Variants in RASSF4 observed in about 807,000 individuals in gnomAD.
The protein encoded by RASSF4 is ras association domain-containing protein 4.
A neutral mutation model predicts 41.1 loss-of-function variants in RASSF4; 38 were observed. The ratio of observed to expected loss-of-function variants is 0.92; its 90% confidence interval spans 0.71 to 1.21. RASSF4 has a LOEUF of 1.21. RASSF4 is among the 50% of genes most tolerant of loss of function. The pLI is 0.00. For synonymous variants in RASSF4, 179 were observed against 163.4 expected, an observed-to-expected ratio of 1.10 and a Z score of -0.73; for missense variants, 414 against 419.4, an observed-to-expected ratio of 0.99 and a Z score of 0.11.
intron 3 of RASSF4, chr10:44,977,254 G>T: frequency 8.6e-7 from 1 of 1,164,998 alleles, no homozygotes; most frequent in Non-Finnish European, 1.2e-6. Flanking sequence ...CGGTCTCACT[G>T]TGAACTGCCC....
At position 44,989,338 on chromosome 10, in the gene RASSF4, C is replaced by G; in HGVS notation, c.596C>G (p.Thr199Ser). 1 of 1,613,850 alleles carries G rather than the reference C, an allele frequency of 6.2e-7. No homozygotes were observed. The highest frequency in any genetic ancestry group is 8.5e-7 in the Non-Finnish European group (1 of 1,179,692). ...GTGAGGGTCAACAGCACCATGACAA[C>G]CCTGCAGGTGCTCACCCTGCTGCTG... ...TNVRVNSTMTTLQVLTLLLNK... is the reference protein window; with the variant it reads ...TNVRVNSTMTSLQVLTLLLNK... The change falls in exon 7 of 11, where the codon ACC becomes AGC. Residue 199 changes from threonine (T) to serine (S), a missense_variant. Coordinates refer to ENST00000340258, the MANE Select transcript of RASSF4 (RefSeq NM_032023.4).
intron 8 of RASSF4, among the ~76,000 whole-genome samples, chr10:44,990,062 C>CGGAGA (rs1842054089): frequency 1.3e-5 from 2 of 152,216 alleles, no homozygotes; most frequent in Non-Finnish European, 2.9e-5. Flanking sequence ...CCTCCCTCTC[C>CGGAGA]GCCTCTTCCA....
At chr10:44,985,965 C>T (rs997330182) in intron 6 of RASSF4, among the ~76,000 whole-genome samples, 1 of 152,108 alleles carries the variant, frequency 6.6e-6, no homozygotes, top group African/African-American at 2.4e-5. Context: ...TGAAGTTAGG[C>T]AGAGATTAAC....
rs561362993 is a variant in RASSF4, at chr10:44,991,544, AC to A, written c.808-357del. Among the ~76,000 whole-genome samples, 61 of 152,202 alleles carry A rather than the reference AC, an allele frequency of 4.0e-4. 1 individual carries two copies. Among genetic ancestry groups the A allele is most frequent in the African/African-American group, 1.3e-3 (56 of 41,524 alleles). On this transcript the variant is annotated intron_variant, in intron 9 of 10. Transcript: ENST00000340258. ...TGAACCTCAAGTAGGAGGCCTAGTG[AC>A]CCCGTATCCCTCAGGCTGCTGCAAT...
At chr10:44,989,606 G>C in intron 7 of RASSF4, 64 bp from the exon 8 acceptor site, 2 of 1,449,550 alleles carry the variant, frequency 1.4e-6, no homozygotes, top group South Asian at 2.3e-5. Context: ...ACTGTCAGGG[G>C]ACCCTCTCAG....
chr10:44,986,574 C>A (rs571970230), intron 6 of RASSF4, among the ~76,000 whole-genome samples: 166 of 152,306 alleles, frequency 1.1e-3, no homozygotes, highest in African/African-American at 3.2e-3. Flanking sequence ...TTCAAGGACA[C>A]AGAATAGTGT....
At position 44,984,105 on chromosome 10, in the gene RASSF4, A is replaced by G. The variant is rs1238945395; in HGVS notation, c.365A>G (p.Asp122Gly). 1.2e-6 allele frequency: 2 copies of G among 1,602,060 alleles called. No homozygotes were observed. Among genetic ancestry groups the G allele is most frequent in the South Asian group, 1.1e-5 (1 of 88,580 alleles). Residue 122 changes from aspartate to glycine, a missense_variant, in exon 5 of 11, where the codon GAC becomes GGC. Transcript: ENST00000340258. Reference sequence around the variant, plus strand: ...GTGCACAAGGCTGAGAGTTCCACAGACAGCTCGGGTAAGCGGAGCCCGCAA... The same window carrying G: ...GTGCACAAGGCTGAGAGTTCCACAGGCAGCTCGGGTAAGCGGAGCCCGCAA... The part of the protein sequence containing the change: ...QPVHKAESST[D>G]SSGPLEEAEE...
At chr10:44,978,124 C>T in intron 3 of RASSF4, 2 of 1,444,634 alleles carry the variant, frequency 1.4e-6, no homozygotes, top group Non-Finnish European at 1.9e-6. Flanking sequence ...CGTCACCACA[C>T]TCCTCTGGGG....
chr10:44,982,894 C>G (rs1026612371), intron 4 of RASSF4: 22 of 704,060 alleles, frequency 3.1e-5, no homozygotes, highest in Non-Finnish European at 5.3e-5. Context: ...TTCTGTTTCT[C>G]AAACCTTCCT....
chr10:44,989,641 G>GA (rs1454328373), intron 7 of RASSF4, 29 bp from the exon 8 acceptor site: 1 of 1,611,926 alleles, frequency 6.2e-7, no homozygotes, highest in Admixed American at 1.7e-5. Context: ...CAAGCACCGT[G>GA]ATCTGACTTC....
At chr10:44,978,251 ATT>A (rs1841540270) in intron 3 of RASSF4, 1 of 541,134 alleles carries the variant, frequency 1.8e-6, no homozygotes, top group African/African-American at 2.0e-5. Flanking sequence ...AAGGCTTAAG[ATT>A]TTATCATTAT....
At chr10:44,981,977 A>G (rs2132791131) in intron 3 of RASSF4, 1 of 161,836 alleles carries the variant, frequency 6.2e-6, no homozygotes, top group Admixed American at 6.5e-5. Context: ...GAGAAAAGCA[A>G]GACCCTTTGT....
intron 3 of RASSF4, among the ~76,000 whole-genome samples, chr10:44,980,739 C>T (rs912409591): frequency 4.6e-5 from 7 of 152,186 alleles, no homozygotes; most frequent in African/African-American, 9.7e-5. Flanking sequence ...CTCTGCCTGG[C>T]GTCCAGGGTG....
rs148426212 is a variant in RASSF4, at chr10:44,977,386, G to A, written c.139-5135G>A. 3.6e-4 allele frequency: 557 copies of A among 1,561,036 alleles called. 5 individuals carry two copies. The African/African-American group carries it at 6.3e-3, about 18-fold the overall frequency. ...GCTCTCTACAGAAGCCTTTACTGGG[G>A]AGGGGTCAGAGTTCATGGATCACCG... On this transcript the variant is annotated intron_variant, in intron 3 of 10. Transcript: ENST00000340258.
chr10:44,984,025 G>C lies in RASSF4; in HGVS notation c.285G>C (p.Lys95Asn), dbSNP rs1322386585. ...CCCTGCAGTTGTCTGTTTTCAGAAA[G>C]GAGCCATCGCCCCAGAACGGGAACA... The part of the protein sequence containing the change: ...WMPRRPSCPL[K>N]EPSPQNGNIT... The change falls in exon 5 of 11, where the codon AAG becomes AAC. Residue 95 changes from lysine to asparagine, a missense_variant. Transcript: ENST00000340258. 8 of 1,597,212 alleles carry C rather than the reference G, an allele frequency of 5.0e-6. No homozygotes were observed. The highest frequency in any genetic ancestry group is 6.0e-6 in the Non-Finnish European group (7 of 1,172,240).
chr10:44,969,146 A>G (rs1841038905), intron 1 of RASSF4, among the ~76,000 whole-genome samples: 2 of 151,042 alleles, frequency 1.3e-5, no homozygotes, highest in South Asian at 4.2e-4. Context: ...GTGTGTGTGA[A>G]GCTTTACCTC....
rs1428393377 is a variant in RASSF4 at position 44,989,351 on chromosome 10, C to T, written c.609C>T (p.Leu203=). 7.4e-6 allele frequency: 12 copies of T among 1,612,552 alleles called. No individual in the cohort carries two copies. The highest frequency in any genetic ancestry group is 9.3e-6 in the Non-Finnish European group (11 of 1,178,570). ...GCACCATGACAACCCTGCAGGTGCT[C>T]ACCCTGCTGCTGAACAAATTTAGGG... ...VNSTMTTLQV[L]TLLLNKFRVE... is the part of the protein sequence containing the mutation. Residue 203 remains leucine, a synonymous_variant, in exon 7 of 11, where the codon CTC becomes CTT. Transcript: ENST00000340258.
At chr10:44,990,019 T>A (rs1588847758) in intron 8 of RASSF4, among the ~76,000 whole-genome samples, 1 of 152,376 alleles carries the variant, frequency 6.6e-6, no homozygotes, top group East Asian at 1.9e-4. Flanking sequence ...TCTTTCAGGA[T>A]TCTGAAGGAG....
chr10:44,991,305 C>T (rs1842103131), intron 9 of RASSF4: 1 of 404,820 alleles, frequency 2.5e-6, no homozygotes, highest in African/African-American at 2.0e-5. Context: ...AAACCATGGC[C>T]TGTCCTTTTC....
Sources: allele counts gnomAD v4.1 joint callset (sites outside exome capture counted in the v4.1 genomes callset), GRCh38; gene constraint gnomAD v4.1.1; transcripts MANE v1.5; gene names NCBI Gene and HGNC (gene_info 2026-07-23, HGNC 2026-07-21).